Variants in ZNF510 observed in about 807,000 individuals in gnomAD.
ZNF510 encodes zinc finger protein 510.
Under a neutral mutation model 18.1 loss-of-function variants are expected in ZNF510, and 15 were observed. The ratio of observed to expected loss-of-function variants is 0.83; its 90% CI spans 0.55 to 1.28. The LOEUF is 1.28. Ranked by LOEUF, ZNF510 falls within the 50% of genes most tolerant of loss-of-function variation. The pLI, the probability that ZNF510 is intolerant of heterozygous loss-of-function variation, is 0.00. For synonymous variants in ZNF510, 261 were observed against 266.4 expected, an observed-to-expected ratio of 0.98 and a Z score of 0.20; for missense variants, 724 against 791.8, an observed-to-expected ratio of 0.91 and a Z score of 1.03.
chr9:96,762,055 G>C (rs35697490), intron 5 of ZNF510, among the ~76,000 whole-genome samples: 6 of 151,950 alleles, frequency 3.9e-5, no homozygotes, highest in Admixed American at 3.9e-4. Flanking sequence ...TGGAGACTTA[G>C]GGTGGGAAGG....
intron 3 of ZNF510, among the ~76,000 whole-genome samples, chr9:96,772,172 G>A (rs7040206): frequency 6.6e-6 from 1 of 152,172 alleles, no homozygotes; most frequent in African/African-American, 2.4e-5. Flanking sequence ...GTTGACAGAA[G>A]ATGGTCTTTC....
intron 2 of ZNF510, among the ~76,000 whole-genome samples, 183 bp from the exon 3 acceptor site, chr9:96,775,029 T>C (rs1263702549): frequency 2.0e-5 from 3 of 151,856 alleles, no homozygotes; most frequent in Admixed American, 6.6e-5. Flanking sequence ...AATATGATCA[T>C]GTGGATGAAC....
chr9:96,767,826 T>G (rs1032036350), intron 3 of ZNF510, among the ~76,000 whole-genome samples: 1 of 152,158 alleles, frequency 6.6e-6, no homozygotes, highest in African/African-American at 2.4e-5. Flanking sequence ...ACACCAATCC[T>G]TCTCTAATTC....
Position 96,759,614 on chromosome 9 carries a change from A to T in ZNF510, c.1216T>A (p.Cys406Ser). 6.2e-7 allele frequency: 1 copy of T among 1,613,884 alleles called. No individual in the cohort carries two copies. Among genetic ancestry groups the T allele is most frequent in the Non-Finnish European group, 8.5e-7 (1 of 1,179,988 alleles). Residue 406 changes from cysteine (C) to serine (S), a missense_variant, in exon 6 of 6, where the codon TGT (cysteine) becomes AGT (serine). Coordinates refer to ENST00000223428, the MANE Select transcript of ZNF510 (RefSeq NM_014930.3). The part of the protein sequence containing the change: ...RSHSMMKPYK[C>S]NECGKSFCQK... ...CAGAAGGATTTCCCACATTCATTAC[A>T]TTTATAGGGTTTCATCATTGAGTGA...
rs1554796096 is a variant in ZNF510, at chr9:96,764,182, T to TTTTTTA, written c.130-551_130-550insTAAAAA. Among the ~76,000 whole-genome samples, 362 of 152,284 alleles carry TTTTTTA rather than the reference T, an allele frequency of 2.4e-3. 3 individuals are homozygous for TTTTTTA. The highest frequency in any genetic ancestry group is 8.2e-3 in the African/African-American group (342 of 41,500). The stretch of plus-strand genomic sequence containing the variant: ...AGATACATTACTAAAACTTTTTTTT[T>TTTTTTA]ATTCTTATTTTTGTAGCCAAAAAAT... On this transcript the variant is annotated intron_variant, in intron 3 of 5. Transcript: ENST00000223428.
chr9:96,756,895 T>A lies in ZNF510; in HGVS notation c.*1883A>T, dbSNP rs1468105713. On this transcript the variant is annotated 3_prime_UTR_variant, in exon 6 of 6. Transcript: ENST00000223428. ...AGGTATCTTTACATACAATTATTCCTGATTAGAATTCTATGACTTATGCGA... is the reference window on the plus strand; with the variant it reads ...AGGTATCTTTACATACAATTATTCCAGATTAGAATTCTATGACTTATGCGA... 2 of 152,254 alleles carry A rather than the reference T, an allele frequency of 1.3e-5. No homozygotes were observed. The highest frequency in any genetic ancestry group is 4.8e-5 in the African/African-American group (2 of 41,470). The allele number at this position is 152,254 out of a possible 1,614,324, so 9.4% of individuals were successfully genotyped here.
At chr9:96,763,334 G>A in intron 4 of ZNF510, 121 bp from the exon 5 acceptor site, 1 of 1,278,666 alleles carries the variant, frequency 7.8e-7, no homozygotes, top group South Asian at 1.4e-5. Context: ...TTTATCACTG[G>A]GAGTTGACAA....
chr9:96,763,713 A>C, intron 3 of ZNF510, 81 bp from the exon 4 acceptor site: 1 of 1,362,452 alleles, frequency 7.3e-7, no homozygotes, highest in Non-Finnish European at 9.8e-7. Context: ...AATTCTTATC[A>C]GGTTTAACTC....
intron 3 of ZNF510, among the ~76,000 whole-genome samples, chr9:96,770,603 C>CAA (rs60479234): frequency 2.1e-5 from 3 of 140,608 alleles, no homozygotes; most frequent in Admixed American, 7.0e-5. Context: ...AACTCTGTCT[C>CAA]AAAAAAAAAA....
At chr9:96,761,259 A>G (rs1004640388) in intron 5 of ZNF510, among the ~76,000 whole-genome samples, 4 of 152,170 alleles carry the variant, frequency 2.6e-5, no homozygotes, top group Admixed American at 1.3e-4. Flanking sequence ...CCACATTTCA[A>G]TCTGACATGA....
intron 3 of ZNF510, among the ~76,000 whole-genome samples, chr9:96,773,094 A>C (rs1269366031): frequency 1.3e-5 from 2 of 152,206 alleles, no homozygotes; most frequent in Non-Finnish European, 2.9e-5. Flanking sequence ...AAAAGAATAC[A>C]CTTTGTATGA....
intron 5 of ZNF510, among the ~76,000 whole-genome samples, chr9:96,762,706 G>C (rs2117960271): frequency 6.6e-6 from 1 of 151,996 alleles, no homozygotes; most frequent in Admixed American, 6.6e-5. Flanking sequence ...ATTATTTTGT[G>C]CTCCATGAAA....
In ZNF510 at chr9:96,755,499, G is replaced by C. The variant is rs557831675; in HGVS notation, c.*3279C>G. On this transcript the variant is annotated 3_prime_UTR_variant, in exon 6 of 6. Coordinates refer to ENST00000223428, the MANE Select transcript of ZNF510 (RefSeq NM_014930.3). Reference sequence around the variant, plus strand: ...TCTCCTATTGTCAATGCATTTTCTTGGTAAGGCTGCTGGCAGTTCTACAGT... The same window carrying C: ...TCTCCTATTGTCAATGCATTTTCTTCGTAAGGCTGCTGGCAGTTCTACAGT... Among the ~76,000 whole-genome samples, 6 of 152,128 alleles carry C rather than the reference G, an allele frequency of 3.9e-5. No individual in the cohort carries two copies. Among genetic ancestry groups the C allele is most frequent in the African/African-American group, 1.4e-4 (6 of 41,514 alleles).
Position 96,760,228 on chromosome 9 carries a change from A to G in ZNF510, c.602T>C (p.Ile201Thr). The G allele has an allele frequency of 1.2e-6, 2 of 1,612,916 alleles. No homozygotes were observed. Among genetic ancestry groups the G allele is most frequent in the East Asian group, 2.2e-5 (1 of 44,836 alleles). ...ATTCTCACATACATTACCGCAACCT[A>G]TTTTCTTTGTTGAATAGTTTCTATT... The part of the protein sequence containing the change: ...INNRNYSTKK[I>T]GCGNVCENSP... Residue 201 changes from isoleucine to threonine, a missense_variant, in exon 6 of 6, where the codon ATA (isoleucine) becomes ACA (threonine). By Grantham distance (89) the Ile-to-Thr change is moderately conservative. Transcript: ENST00000223428.
intron 3 of ZNF510, among the ~76,000 whole-genome samples, chr9:96,771,762 G>C (rs755164872): frequency 6.6e-5 from 10 of 152,048 alleles, no homozygotes; most frequent in Non-Finnish European, 1.3e-4. Flanking sequence ...TTTGTAAAAT[G>C]CCTAGGTATA....
chr9:96,767,206 T>TAA (rs1849491467), intron 3 of ZNF510, among the ~76,000 whole-genome samples: 1 of 152,026 alleles, frequency 6.6e-6, no homozygotes, highest in African/African-American at 2.4e-5. Context: ...TGCGTGCCCA[T>TAA]AATCCCAGCT....
Position 96,759,443 on chromosome 9 carries a change from T to C in ZNF510, c.1387A>G (p.Asn463Asp). ...IHTAEKPYKC[N>D]ECGKTFVQKS... ...TGGACAAATGTTTTTCCACATTCAT[T>C]ACATTTATAGGGTTTTTCTGCTGTA... The change falls in exon 6 of 6, where the codon AAT becomes GAT. Residue 463 changes from asparagine to aspartate, a missense_variant. Coordinates refer to ENST00000223428, the MANE Select transcript of ZNF510 (RefSeq NM_014930.3). 6.2e-7 allele frequency: 1 copy of C among 1,614,148 alleles called. No individual in the cohort carries two copies. The highest frequency in any genetic ancestry group is 8.5e-7 in the Non-Finnish European group (1 of 1,180,002).
chr9:96,758,995 T>C lies in ZNF510; in HGVS notation c.1835A>G (p.Lys612Arg). 6.2e-7 allele frequency: 1 copy of C among 1,613,960 alleles called. No homozygotes were observed. Among genetic ancestry groups the C allele is most frequent in the Non-Finnish European group, 8.5e-7 (1 of 1,179,944 alleles). ...TCTCTGATGATCACTAAGGATTGCT[T>C]TCCGGACAAATTTCTTCCCACATTC... ...CNECGKKFVR[K>R]AILSDHQRIH... is the part of the protein sequence containing the mutation. Residue 612 changes from lysine to arginine, a missense_variant, in exon 6 of 6, where the codon AAA becomes AGA. Coordinates refer to ENST00000223428, the MANE Select transcript of ZNF510 (RefSeq NM_014930.3).
At position 96,759,520 on chromosome 9, in the gene ZNF510, C is replaced by T. The variant is rs149851743; in HGVS notation, c.1310G>A (p.Cys437Tyr). The change falls in exon 6 of 6, where the codon TGT (cysteine) becomes TAT (tyrosine). Residue 437 changes from cysteine (C) to tyrosine (Y), a missense_variant. Physicochemically the swap from Cys to Tyr is radical, Grantham distance 194 (BLOSUM62 -2). Transcript: ENST00000223428. ...TGEKPFECSE[C>Y]GKTFSQKSHL... ...TGACTTCTGGGAGAAAGTTTTTCCACATTCACTACATTCAAATGGTTTCTC... is the reference window on the plus strand; with the variant it reads ...TGACTTCTGGGAGAAAGTTTTTCCATATTCACTACATTCAAATGGTTTCTC... 38 of 1,613,924 alleles carry T rather than the reference C, an allele frequency of 2.4e-5. No homozygotes were observed. The highest frequency in any genetic ancestry group is 3.1e-5 in the Non-Finnish European group (37 of 1,179,948).
Sources: gnomAD v4.1 joint callset for allele counts (sites outside exome capture counted in the v4.1 genomes callset) on GRCh38, gnomAD v4.1.1 for gene constraint, MANE v1.5 for transcripts, NCBI Gene and HGNC (gene_info 2026-07-23, HGNC 2026-07-21) for gene names.